Variants in APIP observed in about 807,000 individuals in gnomAD.
APIP encodes methylthioribulose-1-phosphate dehydratase.
APIP carries 32 observed loss-of-function variants against 32.0 expected under a neutral mutation model. The ratio of observed to expected loss-of-function variants is 1.00; its 90% CI spans 0.76 to 1.34. APIP has a LOEUF of 1.34. APIP is among the 40% of genes most tolerant of loss of function. APIP has a pLI of 0.00. For synonymous variants in APIP, 92 were observed against 94.8 expected (o/e 0.97, Z 0.17); for missense variants, 247 against 298.6 (o/e 0.83, Z 1.27).
intron 5 of APIP, among the ~76,000 whole-genome samples, chr11:34,885,519 G>A (rs1053516593): frequency 2.6e-5 from 4 of 152,088 alleles, no homozygotes; most frequent in Admixed American, 6.6e-5. Flanking sequence ...CAAGGGCCCC[G>A]AGCTGTACAC....
At chr11:34,884,704 A>G (rs1853031123) in intron 5 of APIP, among the ~76,000 whole-genome samples, 1 of 147,276 alleles carries the variant, frequency 6.8e-6, no homozygotes, top group Admixed American at 6.9e-5. Flanking sequence ...AGCCTTGGCG[A>G]CAGAGCCAGA....
chr11:34,890,476 C>T (rs776278079), intron 3 of APIP, 28 bp downstream of exon 3: 1 of 1,585,726 alleles, frequency 6.3e-7, no homozygotes, highest in Admixed American at 1.8e-5. Context: ...AGAAAAGACA[C>T]TGAGGTTAAA....
chr11:34,916,374 G>T lies in APIP; in HGVS notation c.-90C>A. The T allele has an allele frequency of 6.4e-7, 1 of 1,562,634 alleles. No homozygotes were observed. Among genetic ancestry groups the T allele is most frequent in the Non-Finnish European group, 8.7e-7 (1 of 1,153,854 alleles). On this transcript the variant is annotated 5_prime_UTR_variant, in exon 1 of 7. Transcript: ENST00000395787. ...GGGATACGGCAGCGAGGCCGCAAAT[G>T]CAATCAGGCGGCGCTGAGGGCAGCC...
At chr11:34,901,630 G>C (rs7929220) in intron 1 of APIP, among the ~76,000 whole-genome samples, 28,814 of 152,140 alleles carry the variant, frequency 0.19, 3,910 homozygotes, top group African/African-American at 0.39. Flanking sequence ...CTGCAGATGG[G>C]GGGACCTACT....
intron 1 of APIP, among the ~76,000 whole-genome samples, chr11:34,906,741 A>T (rs1020505648): frequency 6.6e-6 from 1 of 152,178 alleles, no homozygotes; most frequent in Non-Finnish European, 1.5e-5. Flanking sequence ...CTACCTAAAG[A>T]TCAAATCAAA....
At chr11:34,886,290 T>C (rs1033419396) in intron 5 of APIP, among the ~76,000 whole-genome samples, 1 of 151,886 alleles carries the variant, frequency 6.6e-6, no homozygotes, top group Non-Finnish European at 1.5e-5. Flanking sequence ...AATATATGTG[T>C]TTGTGTCTCA....
At chr11:34,914,912 G>A (rs1853634622) in intron 1 of APIP, among the ~76,000 whole-genome samples, 1 of 146,672 alleles carries the variant, frequency 6.8e-6, no homozygotes, top group African/African-American at 2.5e-5. Context: ...GCTGAGGCAG[G>A]AAAATCGCTT....
intron 1 of APIP, among the ~76,000 whole-genome samples, chr11:34,915,616 T>A (rs1169398844): frequency 2.0e-5 from 3 of 152,134 alleles, no homozygotes; most frequent in African/African-American, 7.2e-5. Flanking sequence ...ATAAAACTGT[T>A]GGTTTGTGTA....
intron 5 of APIP, among the ~76,000 whole-genome samples, chr11:34,884,771 T>C (rs1173930726): frequency 6.6e-6 from 1 of 151,948 alleles, no homozygotes; most frequent in South Asian, 2.1e-4. Context: ...AATGAATTGC[T>C]AGTCTCAAAT....
intron 1 of APIP, among the ~76,000 whole-genome samples, chr11:34,904,725 G>A (rs529119111): frequency 1.3e-5 from 2 of 152,322 alleles, no homozygotes; most frequent in South Asian, 4.1e-4. Context: ...AGGCTGGGAA[G>A]GACCTTACAC....
Position 34,895,103 on chromosome 11 carries a change from T to C in APIP, c.65A>G (p.Glu22Gly). Residue 22 changes from glutamate to glycine, a missense_variant, in exon 2 of 7, where the codon GAG becomes GGG. Transcript: ENST00000395787. ...CSRRCGAQDK[E>G]HPRYLIPELC... The stretch of plus-strand genomic sequence containing the variant: ...TTCTGGGATCAGGTATCTTGGATGC[T>C]CCTTGTCCTTAAAAAGAAGGTAATG... 1.2e-6 allele frequency: 2 copies of C among 1,613,086 alleles called. No individual in the cohort carries two copies. Among genetic ancestry groups the C allele is most frequent in the East Asian group, 2.2e-5 (1 of 44,874 alleles).
At chr11:34,904,944 C>G (rs771263257) in intron 1 of APIP, among the ~76,000 whole-genome samples, 11 of 152,222 alleles carry the variant, frequency 7.2e-5, no homozygotes, top group Non-Finnish European at 1.3e-4. Context: ...CTCACCCCTA[C>G]CTCACCAAAT....
At chr11:34,896,248 G>A (rs1853268476) in intron 1 of APIP, among the ~76,000 whole-genome samples, 1 of 152,110 alleles carries the variant, frequency 6.6e-6, no homozygotes, top group Admixed American at 6.5e-5. Context: ...TCCCATTACT[G>A]GGATTCTACT....
chr11:34,898,661 C>T (rs1170916198), intron 1 of APIP, among the ~76,000 whole-genome samples: 1 of 151,886 alleles, frequency 6.6e-6, no homozygotes. Flanking sequence ...GGTTCCTTTC[C>T]TCCCCCTCCT....
intron 1 of APIP, chr11:34,915,994 G>A (rs1029152225): frequency 9.1e-5 from 54 of 590,700 alleles, no homozygotes; most frequent in Non-Finnish European, 1.5e-4. Context: ...CCAACGTTTG[G>A]CGCCCAGCTC....
chr11:34,893,769 G>T (rs189421333), intron 2 of APIP, among the ~76,000 whole-genome samples: 301 of 152,262 alleles, frequency 2.0e-3, no homozygotes, highest in African/African-American at 7.0e-3. Flanking sequence ...ATTTAAAGCA[G>T]ATAAAATTAT....
At chr11:34,898,632 C>G (rs1023012498) in intron 1 of APIP, among the ~76,000 whole-genome samples, 1 of 151,908 alleles carries the variant, frequency 6.6e-6, no homozygotes, top group African/African-American at 2.4e-5. Context: ...AATGCTGTTG[C>G]AATCTTCTAG....
intron 1 of APIP, among the ~76,000 whole-genome samples, chr11:34,897,564 G>GGT (rs1853297192): frequency 7.1e-6 from 1 of 140,374 alleles, no homozygotes; most frequent in Non-Finnish European, 1.5e-5. Context: ...AGCTTAGTAA[G>GGT]GTTTTTTTTT....
chr11:34,885,352 T>C (rs745805564), intron 5 of APIP, among the ~76,000 whole-genome samples: 12 of 151,416 alleles, frequency 7.9e-5, no homozygotes, highest in Non-Finnish European at 1.3e-4. Context: ...ACCACAGATA[T>C]GATGGTGGTC....
Sources: gnomAD v4.1 joint callset for allele counts (sites outside exome capture counted in the v4.1 genomes callset) on GRCh38, gnomAD v4.1.1 for gene constraint, MANE v1.5 for transcripts, NCBI Gene and HGNC (gene_info 2026-07-23, HGNC 2026-07-21) for gene names.